Variants in PLIN4 observed in about 807,000 individuals in gnomAD.
PLIN4 encodes the protein perilipin 4, also known as perilipin-4.
Under a neutral mutation model 52.4 loss-of-function variants are expected in PLIN4, and 57 were observed. The observed-to-expected ratio is 1.09, with a 90% confidence interval of 0.88 to 1.36. The LOEUF is 1.36. PLIN4 is among the 40% of genes most tolerant of loss of function. The pLI is 0.00. For synonymous variants in PLIN4, 826 were observed against 785.4 expected, an observed-to-expected ratio of 1.05 and a Z score of -0.86; for missense variants, 1,757 against 1,770.3, an observed-to-expected ratio of 0.99 and a Z score of 0.13.
chr19:4,516,824 C>T lies in PLIN4; in HGVS notation c.197-146G>A, dbSNP rs575304956. On this transcript the variant is annotated intron_variant, in intron 3 of 7. Coordinates refer to ENST00000301286, the MANE Select transcript of PLIN4 (RefSeq NM_001367868.2). ...CAGGGACAGCAGGAGGTGACATCCACGGCTACCAGCCAGACCTGGTCACCC... is the reference window on the plus strand; with the variant it reads ...CAGGGACAGCAGGAGGTGACATCCATGGCTACCAGCCAGACCTGGTCACCC... The T allele has an allele frequency of 6.3e-5, 54 of 862,758 alleles. 1 individual carries two copies. Among genetic ancestry groups the T allele is most frequent in the South Asian group, 3.9e-4 (21 of 53,826 alleles). The allele number at this position is 862,758 out of a possible 1,614,324, so 53.4% of individuals were successfully genotyped here. A position where few individuals can be genotyped will look rare whatever the true frequency, so the allele number is the denominator to read the frequency against.
chr19:4,510,563 C>G lies in PLIN4; in HGVS notation c.3397G>C (p.Asp1133His). The G allele has an allele frequency of 6.7e-7, 1 of 1,500,280 alleles. No homozygotes were observed. Among genetic ancestry groups the G allele is most frequent in the South Asian group, 1.4e-5 (1 of 71,562 alleles). The allele number at this position is 1,500,280 out of a possible 1,614,324, so 92.9% of individuals were successfully genotyped here. A position where few individuals can be genotyped will look rare whatever the true frequency, so the allele number is the denominator to read the frequency against. Reference protein sequence around the residue: ...FTQGAAPGREDTGLLATTHGP... With the variant: ...FTQGAAPGREHTGLLATTHGP... ...TGTGTGGTGGCCAAAAGCCCCGTGT[C>G]CTCCCTGCCTGGGGCGGCCCCTTGG... Residue 1133 changes from aspartate (D) to histidine (H), a missense_variant, in exon 5 of 8, where the codon GAC becomes CAC. Coordinates refer to ENST00000301286, the MANE Select transcript of PLIN4 (RefSeq NM_001367868.2).
At position 4,512,303 on chromosome 19, in the gene PLIN4, C is replaced by T; in HGVS notation, c.1657G>A (p.Gly553Ser). ...VNVAKGAVQG[G>S]LDTTKSVVIG... Reference sequence around the variant, plus strand: ...ACCACAGACTTGGTGGTGTCCAGGCCCCCCTGGACGGCCCCTTTGGCCACG... The same window carrying T: ...ACCACAGACTTGGTGGTGTCCAGGCTCCCCTGGACGGCCCCTTTGGCCACG... Residue 553 changes from glycine (G) to serine (S), a missense_variant, in exon 5 of 8, where the codon GGC (glycine) becomes AGC (serine). Physicochemically the swap from Gly to Ser is moderately conservative, Grantham distance 56. Around this residue, in one of 7 missense-constraint regions of PLIN4, gnomAD observed 439 missense variants for 406.4 expected, o/e 1.08. Coordinates refer to ENST00000301286, the MANE Select transcript of PLIN4 (RefSeq NM_001367868.2). The T allele has an allele frequency of 2.5e-6, 4 of 1,611,510 alleles. No individual in the cohort carries two copies. Among genetic ancestry groups the T allele is most frequent in the Middle Eastern group, 3.3e-4 (2 of 6,048 alleles).
Position 4,513,450 on chromosome 19 carries a change from G to A in PLIN4, c.510C>T (p.Asp170=). Residue 170 remains aspartate (D), a synonymous_variant, in exon 5 of 8, where the codon GAC becomes GAT. Coordinates refer to ENST00000301286, the MANE Select transcript of PLIN4 (RefSeq NM_001367868.2). ...CCCCCGTGAGCCCAGTGGACACCGTGTCCTTGGTGCCGGTGAGGACAGCCT... is the reference window on the plus strand; with the variant it reads ...CCCCCGTGAGCCCAGTGGACACCGTATCCTTGGTGCCGGTGAGGACAGCCT... ...TSKAVLTGTK[D]TVSTGLTGAV... is the part of the protein sequence containing the mutation. 1 of 1,613,440 alleles carries A rather than the reference G, an allele frequency of 6.2e-7. No homozygotes were observed. The highest frequency in any genetic ancestry group is 8.5e-7 in the Non-Finnish European group (1 of 1,179,878).
At chr19:4,514,871 C>T (rs996432635) in intron 4 of PLIN4, among the ~76,000 whole-genome samples, 1 of 150,222 alleles carries the variant, frequency 6.7e-6, no homozygotes, top group African/African-American at 2.5e-5. Flanking sequence ...AACGGTGAGA[C>T]CCCATCTTTA....
chr19:4,504,675 C>T lies in PLIN4; in HGVS notation c.3900G>A (p.Gln1300=). 1 of 1,602,860 alleles carries T rather than the reference C, an allele frequency of 6.2e-7. No homozygotes were observed. Among genetic ancestry groups the T allele is most frequent in the Non-Finnish European group, 8.5e-7 (1 of 1,178,198 alleles). ...GGCTGTGCCGCGCCCGCCCCACTGGCTGCTGGAGCTCGGCGGGCAGGCCCT... is the reference window on the plus strand; with the variant it reads ...GGCTGTGCCGCGCCCGCCCCACTGGTTGCTGGAGCTCGGCGGGCAGGCCCT... ...SLQGLPAELQ[Q]PVGRARHSLC... The change falls in exon 8 of 8, where the codon CAG becomes CAA. Residue 1300 remains glutamine, a synonymous_variant. Coordinates refer to ENST00000301286, the MANE Select transcript of PLIN4 (RefSeq NM_001367868.2).
chr19:4,505,471 T>G (rs532568433), intron 6 of PLIN4, among the ~76,000 whole-genome samples: 1 of 152,306 alleles, frequency 6.6e-6, no homozygotes, highest in East Asian at 1.9e-4. Flanking sequence ...TGGTGAGACC[T>G]TCCTGGCCCA....
rs898701558 is a variant in PLIN4 at position 4,502,687 on chromosome 19, C to G, written c.*1772G>C. On this transcript the variant is annotated 3_prime_UTR_variant, in exon 8 of 8. Transcript: ENST00000301286. ...GCCTCGACTCACCCCAGCTGTGTCA[C>G]CCACACACCGTGTGACTTTGGACAG... is the stretch of plus-strand genomic sequence containing the variant. The G allele has an allele frequency of 6.0e-6, 1 of 166,426 alleles. No individual in the cohort carries two copies. The highest frequency in any genetic ancestry group is 1.3e-5 in the Non-Finnish European group (1 of 78,646). 10.3% of individuals were successfully genotyped at this position (166,426 alleles called of 1,614,324 possible).
At chr19:4,514,839 C>T (rs944837688) in intron 4 of PLIN4, among the ~76,000 whole-genome samples, 4 of 150,208 alleles carry the variant, frequency 2.7e-5, no homozygotes, top group African/African-American at 2.5e-5. Context: ...CTTGAGCCCA[C>T]GAGTTTAAGA....
chr19:4,514,823 G>A (rs188586097), intron 4 of PLIN4, among the ~76,000 whole-genome samples: 1 of 151,880 alleles, frequency 6.6e-6, no homozygotes, highest in East Asian at 1.9e-4. Context: ...TAAGGCAGGA[G>A]GATTGCTTGA....
In PLIN4 at chr19:4,511,788, A is replaced by C. The variant is rs545874723; in HGVS notation, c.2172T>G (p.Thr724=). 1 of 1,602,392 alleles carries C rather than the reference A, an allele frequency of 6.2e-7. No individual in the cohort carries two copies. Among genetic ancestry groups the C allele is most frequent in the Admixed American group, 1.8e-5 (1 of 54,956 alleles). Residue 724 remains threonine, a synonymous_variant, in exon 5 of 8, where the codon ACT becomes ACG. Coordinates refer to ENST00000301286, the MANE Select transcript of PLIN4 (RefSeq NM_001367868.2). ...CGGTGTCCTTGGTACCAGTTAGGAC[A>C]GTCTTGGTGGTGTCCACACTGGTCT... ...TVQTSVDTTK[T]VLTGTKDTVC...
At chr19:4,510,375 A>C (rs1434797189) in intron 5 of PLIN4, 71 bp downstream of exon 5, 5 of 1,208,140 alleles carry the variant, frequency 4.1e-6, no homozygotes, top group Admixed American at 3.4e-5. Context: ...CAAAAAAAAA[A>C]ACAAAACAGT....
In PLIN4 at chr19:4,504,803, A is replaced by AAGGTGAGTGGAGACCCATGGGCG; in HGVS notation, c.3789+35_3790-19dup. ...TCCCGCTCCTGTGGGAGGAAGGCGC[A>AAGGTGAGTGGAGACCCATGGGCG]AGGTGAGTGGAGACCCATGGGCGGG... On this transcript the variant is annotated intron_variant, in intron 7 of 7. Coordinates refer to ENST00000301286, the MANE Select transcript of PLIN4 (RefSeq NM_001367868.2). The AAGGTGAGTGGAGACCCATGGGCG allele has an allele frequency of 6.2e-7, 1 of 1,602,608 alleles. No homozygotes were observed. The highest frequency in any genetic ancestry group is 8.5e-7 in the Non-Finnish European group (1 of 1,173,822).
At chr19:4,507,944 T>A (rs1976144901) in intron 6 of PLIN4, among the ~76,000 whole-genome samples, 1 of 152,122 alleles carries the variant, frequency 6.6e-6, no homozygotes, top group South Asian at 2.1e-4. Context: ...GGTGGACGAC[T>A]CTGGCCAGGG....
rs968072113 is a variant in PLIN4 at position 4,504,320 on chromosome 19, G to C, written c.*139C>G. The C allele has an allele frequency of 4.5e-6, 4 of 885,312 alleles. No individual in the cohort carries two copies. The African/African-American group carries it at 6.8e-5, about 15-fold the overall frequency. The allele number at this position is 885,312 out of a possible 1,614,324, so 54.8% of individuals were successfully genotyped here. A position where few individuals can be genotyped will look rare whatever the true frequency, so the allele number is the denominator to read the frequency against. On this transcript the variant is annotated 3_prime_UTR_variant, in exon 8 of 8. Coordinates refer to ENST00000301286, the MANE Select transcript of PLIN4 (RefSeq NM_001367868.2). ...AAGGTCACTGCCTCCGCAGCCCCTCGGCGCTCAGCCAGCTGCAGCCCCAAA... is the reference window on the plus strand; with the variant it reads ...AAGGTCACTGCCTCCGCAGCCCCTCCGCGCTCAGCCAGCTGCAGCCCCAAA...
rs1476195126 is a variant in PLIN4, at chr19:4,502,998, C to T, written c.*1461G>A. On this transcript the variant is annotated 3_prime_UTR_variant, in exon 8 of 8. Coordinates refer to ENST00000301286, the MANE Select transcript of PLIN4 (RefSeq NM_001367868.2). ...CAAATGGCTGTGTCTGGCATCCTAG[C>T]CTCCGATGGCCATGGGTGTCGGGCT... The T allele has an allele frequency of 6.6e-6, 1 of 152,280 alleles. No homozygotes were observed. The highest frequency in any genetic ancestry group is 1.5e-5 in the Non-Finnish European group (1 of 68,116). The allele number at this position is 152,280 out of a possible 1,614,324, so 9.4% of individuals were successfully genotyped here.
In PLIN4 at chr19:4,511,017, G is replaced by A. The variant is rs533249881; in HGVS notation, c.2943C>T (p.Thr981=). 98 of 1,613,154 alleles carry A rather than the reference G, an allele frequency of 6.1e-5. No homozygotes were observed. In the South Asian group the frequency reaches 6.6e-4, roughly 11 times the overall value. Residue 981 remains threonine, a synonymous_variant, in exon 5 of 8, where the codon ACC becomes ACT. Transcript: ENST00000301286. ...AVNVAKGTVQ[T]GVDASKAVLM... ...GCACAGCCTTGGAGGCGTCCACGCC[G>A]GTCTGCACGGTTCCTTTGGCCACAT... is the stretch of plus-strand genomic sequence containing the variant.
At position 4,510,672 on chromosome 19, in the gene PLIN4, CG is replaced by C; in HGVS notation, c.3287del (p.Pro1096ArgfsTer6). On this transcript the variant is annotated frameshift_variant, in exon 5 of 8. Coordinates refer to ENST00000301286, the MANE Select transcript of PLIN4 (RefSeq NM_001367868.2). LOFTEE classifies it high-confidence loss of function. ...EAPFSGISTP[P>X]DVLSVGPEPA... ...GCTCCGGGCCTACACTGAGCACATCCGGGGGCGTGGAGATGCCAGAGAACGG... is the reference window on the plus strand; with the variant it reads ...GCTCCGGGCCTACACTGAGCACATCCGGGGCGTGGAGATGCCAGAGAACGG... 1.3e-6 allele frequency: 2 copies of C among 1,519,932 alleles called. No homozygotes were observed. The allele number at this position is 1,519,932 out of a possible 1,614,324, so 94.2% of individuals were successfully genotyped here.
At position 4,512,340 on chromosome 19, in the gene PLIN4, G is replaced by C; in HGVS notation, c.1620C>G (p.Thr540=). ...CCCCTTTGGCCACGTTCACAGCACT[G>C]GTCACCCCACTGCAGACGGTGTCCT... ...GTKDTVCSGV[T]SAVNVAKGAV... Residue 540 remains threonine, a synonymous_variant, in exon 5 of 8, where the codon ACC becomes ACG. Coordinates refer to ENST00000301286, the MANE Select transcript of PLIN4 (RefSeq NM_001367868.2). The C allele has an allele frequency of 6.2e-7, 1 of 1,610,096 alleles. No individual in the cohort carries two copies. Among genetic ancestry groups the C allele is most frequent in the Non-Finnish European group, 8.5e-7 (1 of 1,179,174 alleles).
rs1481368279 is a variant in PLIN4, at chr19:4,508,784, T to G, written c.3686A>C (p.Gln1229Pro). The G allele has an allele frequency of 3.9e-5, 62 of 1,588,564 alleles. No individual in the cohort carries two copies. The highest frequency in any genetic ancestry group is 5.1e-5 in the Non-Finnish European group (60 of 1,168,196). ...FQARDTLAQLQDCFRLIEKAQ... is the reference protein window; with the variant it reads ...FQARDTLAQLPDCFRLIEKAQ... ...AGCTCTTACCAGCCTGAAGCAGTCC[T>G]GGAGCTGGGCCAGAGTGTCCCTGGC... is the stretch of plus-strand genomic sequence containing the variant. The change falls in exon 6 of 8, where the codon CAG (glutamine) becomes CCG (proline). Residue 1229 changes from glutamine to proline, a missense_variant. By Grantham distance (76) the Gln-to-Pro change is moderately conservative. Around this residue, in one of 7 missense-constraint regions of PLIN4, gnomAD observed 712 missense variants for 637.1 expected, o/e 1.12. Coordinates refer to ENST00000301286, the MANE Select transcript of PLIN4 (RefSeq NM_001367868.2).
Sources: allele counts gnomAD v4.1 joint callset (sites outside exome capture counted in the v4.1 genomes callset), GRCh38; gene constraint gnomAD v4.1.1; regional missense constraint gnomAD v4.1.1; transcripts MANE v1.5; gene names NCBI Gene and HGNC (gene_info 2026-07-23, HGNC 2026-07-21).